Variants in DDX23 observed in about 807,000 individuals in gnomAD.
The protein encoded by DDX23 is DEAD-box helicase 23.
In DDX23, 33 loss-of-function variants were observed where a neutral mutation model predicts 102.7. That is an observed-to-expected ratio of 0.32 (90% CI 0.24 to 0.43). The LOEUF (loss-of-function observed/expected upper bound fraction) is 0.43, where lower values mean the gene tolerates loss of function less well. Ranked by LOEUF, DDX23 falls within the 20% of genes least tolerant of loss-of-function variation. DDX23 has a pLI of 1.00. For missense variants in DDX23, 549 were observed against 1,086.6 expected (o/e 0.51, Z 6.96); for synonymous variants, 352 against 376.0 (o/e 0.94, Z 0.74).
In DDX23 at chr12:48,834,333, C is replaced by T; in HGVS notation, c.1547G>A (p.Arg516His). The T allele has an allele frequency of 1.9e-6, 3 of 1,613,300 alleles. No individual in the cohort carries two copies. Among genetic ancestry groups the T allele is most frequent in the African/African-American group, 1.3e-5 (1 of 74,994 alleles). The change falls in exon 12 of 17, where the codon CGC becomes CAC. Residue 516 changes from arginine to histidine, a missense_variant. Transcript: ENST00000308025. ...ISREDQGFRL[R>H]MGCEIVIATP... ...AGAAAAACAAACCTCACAACCCATG[C>T]GCAGCCTGAAGCCCTGGTCTTCTCT...
chr12:48,844,082 G>T (rs1337952603), intron 2 of DDX23, 32 bp from the exon 3 acceptor site: 15 of 1,607,390 alleles, frequency 9.3e-6, no homozygotes, highest in Non-Finnish European at 1.3e-5. Context: ...AGTTCACTTG[G>T]TATTTCCAAA....
In DDX23 at chr12:48,830,420, G is replaced by C. The variant is rs1363155709; in HGVS notation, c.*49C>G. On this transcript the variant is annotated 3_prime_UTR_variant, in exon 17 of 17. Transcript: ENST00000308025. The surrounding 1 kb of genome is among the most constrained non-coding windows in gnomAD (Gnocchi z 4.9). ...GGGATGTGAGGGTTCTGAAAAACAG[G>C]CATCAGGCAGCTTTGGAGATGCCCT... 1 of 1,597,182 alleles carries C rather than the reference G, an allele frequency of 6.3e-7. No individual in the cohort carries two copies. Among genetic ancestry groups the C allele is most frequent in the Non-Finnish European group, 8.6e-7 (1 of 1,165,060 alleles).
At chr12:48,841,709 A>G (rs925684786) in intron 3 of DDX23, among the ~76,000 whole-genome samples, 9 of 152,234 alleles carry the variant, frequency 5.9e-5, no homozygotes, top group Admixed American at 5.2e-4. Flanking sequence ...GTGATCCGCC[A>G]GCCTCGGCCT....
intron 1 of DDX23, among the ~76,000 whole-genome samples, chr12:48,846,965 A>G (rs774421241): frequency 7.9e-5 from 12 of 152,186 alleles, no homozygotes; most frequent in Non-Finnish European, 1.8e-4. Flanking sequence ...TCATCATCCC[A>G]AAGACTTGGG....
chr12:48,833,464 A>C lies in DDX23; in HGVS notation c.1616T>G (p.Val539Gly), dbSNP rs1462392642. The change falls in exon 13 of 17, where the codon GTG becomes GGG. Residue 539 changes from valine (V) to glycine (G), a missense_variant. By Grantham distance (109) the Val-to-Gly change is moderately radical. This residue lies in a region of DDX23 where 270 missense variants were observed against 707.0 expected (regional missense o/e 0.38). Transcript: ENST00000308025. ...LIDVLENRYL[V>G]LSRCTYVVLD... ...AACCACATAGGTACAGCGGCTCAGC[A>C]CCAGGTAGCGGTTCTCCAGCACATC... 6.2e-7 allele frequency: 1 copy of C among 1,614,154 alleles called. No homozygotes were observed. The highest frequency in any genetic ancestry group is 1.7e-5 in the Admixed American group (1 of 59,998).
At chr12:48,851,697 C>T (rs1477135193) in intron 1 of DDX23, among the ~76,000 whole-genome samples, 4 of 152,126 alleles carry the variant, frequency 2.6e-5, no homozygotes, top group Non-Finnish European at 4.4e-5. Flanking sequence ...GAAGTCATTC[C>T]CGGCAAAAGA....
At chr12:48,837,432 G>A (rs770808832) in intron 7 of DDX23, 39 bp from the exon 8 acceptor site, 1 of 1,612,300 alleles carries the variant, frequency 6.2e-7, no homozygotes, top group Non-Finnish European at 8.5e-7. Context: ...GAGCTTTGAG[G>A]CCCAATTCTC....
Position 48,844,035 on chromosome 12 carries a change from T to C in DDX23, c.225A>G (p.Lys75=), listed in dbSNP as rs1249570914. 1 of 1,614,170 alleles carries C rather than the reference T, an allele frequency of 6.2e-7. No individual in the cohort carries two copies. The highest frequency in any genetic ancestry group is 1.7e-5 in the Admixed American group (1 of 60,012). Reference sequence around the variant, plus strand: ...CCCGCTCCTTATCTCGTTCTCGTTCTTTGTGCCGTCGTTCTCTGGAAGACC... The same window carrying C: ...CCCGCTCCTTATCTCGTTCTCGTTCCTTGTGCCGTCGTTCTCTGGAAGACC... The part of the protein sequence containing the change: ...SKSAERERRH[K]ERERDKERDR... Residue 75 remains lysine (K), a synonymous_variant, in exon 3 of 17, where the codon AAA becomes AAG. Transcript: ENST00000308025.
chr12:48,839,016 C>T (rs750916391), intron 5 of DDX23, among the ~76,000 whole-genome samples: 4 of 152,086 alleles, frequency 2.6e-5, no homozygotes, highest in African/African-American at 4.8e-5. Flanking sequence ...GCTGGGACTA[C>T]AGGCGCATGC....
chr12:48,840,805 G>A (rs956413161), intron 3 of DDX23, among the ~76,000 whole-genome samples: 6 of 151,162 alleles, frequency 4.0e-5, no homozygotes, highest in African/African-American at 7.3e-5. Context: ...CATCCACCTC[G>A]GCCACCCAAA....
chr12:48,831,634 C>G (rs1432293761), intron 15 of DDX23, among the ~76,000 whole-genome samples: 1 of 152,062 alleles, frequency 6.6e-6, no homozygotes, highest in African/African-American at 2.4e-5. Flanking sequence ...AAGCAGGGAT[C>G]AAGAAGTTTA....
At chr12:48,849,862 G>A (rs1592206464) in intron 1 of DDX23, among the ~76,000 whole-genome samples, 1 of 152,182 alleles carries the variant, frequency 6.6e-6, no homozygotes, top group South Asian at 2.1e-4. Flanking sequence ...ATGCCCCTTC[G>A]CTCCTGCCTG....
chr12:48,831,958 GT>G (rs746248066), intron 15 of DDX23, 119 bp downstream of exon 15: 119 of 897,560 alleles, frequency 1.3e-4, no homozygotes, highest in Non-Finnish European at 2.0e-4. Context: ...GTCCTAACTT[GT>G]TGATTGCTGG....
rs768897732 is a variant in DDX23, at chr12:48,839,885, G to T, written c.439C>A (p.Leu147Ile). 3 of 1,614,206 alleles carry T rather than the reference G, an allele frequency of 1.9e-6. No individual in the cohort carries two copies. The highest frequency in any genetic ancestry group is 8.5e-7 in the Non-Finnish European group (1 of 1,180,032). ...TCCTCAGCCTTTTTCTTGGCCAGAA[G>T]CTCCTCCAGGGATAATGGCTGGGCC... Reference protein sequence around the residue: ...PKAQPLSLEELLAKKKAEEEA... With the variant: ...PKAQPLSLEEILAKKKAEEEA... The change falls in exon 5 of 17, where the codon CTT (leucine) becomes ATT (isoleucine). Residue 147 changes from leucine (L) to isoleucine (I), a missense_variant. Leu to Ile is a conservative substitution (Grantham distance 5). Around this residue, in one of 4 missense-constraint regions of DDX23, gnomAD observed 241 missense variants for 267.0 expected, o/e 0.90. Coordinates refer to ENST00000308025, the MANE Select transcript of DDX23 (RefSeq NM_004818.3).
At chr12:48,845,913 G>T in intron 1 of DDX23, 131 bp from the exon 2 acceptor site, 1 of 1,002,690 alleles carries the variant, frequency 1.0e-6, no homozygotes, top group Non-Finnish European at 1.4e-6. Context: ...GATGAGAACG[G>T]TGGAGCTCAG....
At chr12:48,851,065 C>CT (rs908687852) in intron 1 of DDX23, among the ~76,000 whole-genome samples, 26 of 152,208 alleles carry the variant, frequency 1.7e-4, no homozygotes, top group South Asian at 6.2e-4. Flanking sequence ...GGGGCACATT[C>CT]TTTTTTTTCA....
chr12:48,832,274 G>C lies in DDX23; in HGVS notation c.1956-88C>G. 2 of 1,552,270 alleles carry C rather than the reference G, an allele frequency of 1.3e-6. No homozygotes were observed. Among genetic ancestry groups the C allele is most frequent in the Non-Finnish European group, 8.8e-7 (1 of 1,130,334 alleles). On this transcript the variant is annotated intron_variant, in intron 14 of 16. Transcript: ENST00000308025. This position sits in a 1 kb window ranked among gnomAD's most constrained non-coding sequence, Gnocchi z 4.4. ...CCTCATCTATGAACACTACTTTCAG[G>C]GTCTTTAATGCCCATGACATTCTGC...
intron 4 of DDX23, 52 bp from the exon 5 acceptor site, chr12:48,839,961 C>G: frequency 6.2e-7 from 1 of 1,613,172 alleles, no homozygotes; most frequent in Non-Finnish European, 8.5e-7. Flanking sequence ...CTTTAAAGAT[C>G]AACAAAGCAA....
rs747006388 is a variant in DDX23 at position 48,834,508 on chromosome 12, C to G, written c.1383-11G>C. 94 of 1,610,356 alleles carry G rather than the reference C, an allele frequency of 5.8e-5. 1 individual carries two copies. Among genetic ancestry groups the G allele is most frequent in the South Asian group, 1.9e-4 (17 of 90,574 alleles). Reference sequence around the variant, plus strand: ...TCTGACTCTTCGATCCTGTGGTAAACAGGGTGCCCCACAGCTTCGTGAGCT... The same window carrying G: ...TCTGACTCTTCGATCCTGTGGTAAAGAGGGTGCCCCACAGCTTCGTGAGCT... On this transcript the variant is annotated splice_polypyrimidine_tract_variant and intron_variant, in intron 11 of 16. Transcript: ENST00000308025.
Sources: allele counts gnomAD v4.1 joint callset (sites outside exome capture counted in the v4.1 genomes callset), GRCh38; gene constraint gnomAD v4.1.1; regional missense constraint gnomAD v4.1.1; non-coding constraint Gnocchi (gnomAD v3.1); transcripts MANE v1.5; gene names NCBI Gene and HGNC (gene_info 2026-07-23, HGNC 2026-07-21).